The following ZNF121 variants were observed in gnomAD, a reference collection of about 807,000 sequenced individuals.
The protein encoded by ZNF121 is zinc finger protein 121 (clone ZHC32).
Under a neutral mutation model 2.4 loss-of-function variants are expected in ZNF121, and 1 was observed. The observed-to-expected ratio is 0.41, with a 90% CI of 0.15 to 1.94. ZNF121 has a LOEUF of 1.94. ZNF121 is among the 30% of genes most tolerant of loss of function. The pLI, the probability that ZNF121 is intolerant of heterozygous loss-of-function variation, is 0.30. For missense variants in ZNF121, 369 were observed against 466.3 expected (o/e 0.79, Z 1.92); for synonymous variants, 173 against 158.6 (o/e 1.09, Z -0.68).
rs1352592116 is a variant in ZNF121, at chr19:9,560,605, G to C, written c.*5335C>G. On this transcript the variant is annotated 3_prime_UTR_variant, in exon 4 of 4. Coordinates refer to ENST00000320451, the MANE Select transcript of ZNF121 (RefSeq NM_001008727.5). ...TGGGTGTATTTGTCCTTTCGGAACTGGTTTATTTCACTTAGCATAACGTCC... is the reference window on the plus strand; with the variant it reads ...TGGGTGTATTTGTCCTTTCGGAACTCGTTTATTTCACTTAGCATAACGTCC... 1 of 152,130 alleles carries C rather than the reference G, an allele frequency of 6.6e-6. No individual in the cohort carries two copies. The highest frequency in any genetic ancestry group is 1.5e-5 in the Non-Finnish European group (1 of 68,016). 9.4% of individuals were successfully genotyped at this position (152,130 alleles called of 1,614,324 possible).
chr19:9,580,791 TGTAGA>T (rs1442774581), intron 1 of ZNF121, among the ~76,000 whole-genome samples: 1 of 152,208 alleles, frequency 6.6e-6, no homozygotes, highest in East Asian at 1.9e-4. Context: ...CAACAGAAGA[TGTAGA>T]GTAGAGGCCT....
chr19:9,572,476 A>C (rs1376181066), intron 1 of ZNF121, among the ~76,000 whole-genome samples: 2 of 152,186 alleles, frequency 1.3e-5, no homozygotes, highest in African/African-American at 4.8e-5. Flanking sequence ...ATCCAGGGAC[A>C]AAGATGGGAG....
At position 9,561,963 on chromosome 19, in the gene ZNF121, C is replaced by T. The variant is rs553339834; in HGVS notation, c.*3977G>A. On this transcript the variant is annotated 3_prime_UTR_variant, in exon 4 of 4. Coordinates refer to ENST00000320451, the MANE Select transcript of ZNF121 (RefSeq NM_001008727.5). ...ACTACAGCAACAGCTACAGACATAC[C>T]TCATGTTACTTCACTTTGCTTCATC... 1 of 151,874 alleles carries T rather than the reference C, an allele frequency of 6.6e-6. No individual in the cohort carries two copies. The highest frequency in any genetic ancestry group is 1.5e-5 in the Non-Finnish European group (1 of 67,998). The allele number at this position is 151,874 out of a possible 1,614,324, so 9.4% of individuals were successfully genotyped here.
chr19:9,577,130 G>T (rs1407289856), intron 1 of ZNF121, among the ~76,000 whole-genome samples: 1 of 152,176 alleles, frequency 6.6e-6, no homozygotes, highest in Non-Finnish European at 1.5e-5. Flanking sequence ...CAAAAGCAGA[G>T]AAGAGCACAA....
intron 3 of ZNF121, 30 bp from the exon 4 acceptor site, chr19:9,567,139 A>T: frequency 6.5e-7 from 1 of 1,540,708 alleles, no homozygotes. Context: ...TGATGATTAA[A>T]GGATTTTTCA....
At position 9,566,776 on chromosome 19, in the gene ZNF121, C is replaced by G. The variant is rs539222558; in HGVS notation, c.337G>C (p.Glu113Gln). The G allele has an allele frequency of 2.5e-6, 4 of 1,614,192 alleles. No individual in the cohort carries two copies. The Admixed American group carries it at 6.7e-5, about 27-fold the overall frequency. The change falls in exon 4 of 4, where the codon GAA becomes CAA. Residue 113 changes from glutamate (E) to glutamine (Q), a missense_variant. By Grantham distance (29) the Glu-to-Gln change is conservative. Around this residue, in one of 4 missense-constraint regions of ZNF121, gnomAD observed 168 missense variants for 162.3 expected, o/e 1.03. Transcript: ENST00000320451. ...CATTGCTTCTGTTCATAGAGTGTTT[C>G]TCCATTGTGAGTTATCCTATTTGCC... Reference protein sequence around the residue: ...LQANRITHNGETLYEQKQCGR... With the variant: ...LQANRITHNGQTLYEQKQCGR...
upstream of ZNF121, chr19:9,584,504 TGACCA>T (rs2074271593): frequency 6.6e-6 from 1 of 152,376 alleles, no homozygotes; most frequent in South Asian, 2.1e-4. Context: ...GAAATGGCAC[TGACCA>T]TGCGGAGCCA....
intron 1 of ZNF121, among the ~76,000 whole-genome samples, chr19:9,569,321 C>T (rs2074156732): frequency 6.6e-6 from 1 of 152,078 alleles, no homozygotes; most frequent in Admixed American, 6.6e-5. Context: ...TGGCTCATGC[C>T]TGTAATCCCA....
At chr19:9,583,743 G>T (rs1462123381) in intron 1 of ZNF121, among the ~76,000 whole-genome samples, 3 of 152,068 alleles carry the variant, frequency 2.0e-5, no homozygotes, top group Non-Finnish European at 4.4e-5. Context: ...GACCTCAGGT[G>T]ATCTGCCCGC....
chr19:9,564,173 TAAC>T lies in ZNF121; in HGVS notation c.*1764_*1766del, dbSNP rs1568496461. The T allele has an allele frequency of 6.6e-6, 1 of 152,148 alleles. No individual in the cohort carries two copies. The highest frequency in any genetic ancestry group is 2.4e-5 in the African/African-American group (1 of 41,430). The allele number at this position is 152,148 out of a possible 1,614,324, so 9.4% of individuals were successfully genotyped here. Reference sequence around the variant, plus strand: ...AAGGATTCTCCATTCTAGATGCCATTAACAACATTTATGATTCATGGAAGGAGG... The same window carrying T: ...AAGGATTCTCCATTCTAGATGCCATTAACATTTATGATTCATGGAAGGAGG... On this transcript the variant is annotated 3_prime_UTR_variant, in exon 4 of 4. Transcript: ENST00000320451.
At chr19:9,583,566 C>A (rs1323894500) in intron 1 of ZNF121, among the ~76,000 whole-genome samples, 1 of 135,382 alleles carries the variant, frequency 7.4e-6, no homozygotes, top group Non-Finnish European at 1.5e-5. Flanking sequence ...TGCAGTGGCG[C>A]GATCTCGGCT....
In ZNF121 at chr19:9,562,161, A is replaced by ATTTTTTTT. The variant is rs34814047; in HGVS notation, c.*3771_*3778dup. On this transcript the variant is annotated 3_prime_UTR_variant, in exon 4 of 4. Transcript: ENST00000320451. ...ATTATACTTACTGTGGTGCTGTGTG[A>ATTTTTTTT]TTTTTTTTTTTTTTTTTTTTTGAGA... 1 of 108,078 alleles carries ATTTTTTTT rather than the reference A, an allele frequency of 9.3e-6. No homozygotes were observed. The highest frequency in any genetic ancestry group is 3.5e-5 in the African/African-American group (1 of 28,200). The allele number at this position is 108,078 out of a possible 1,614,324, so 6.7% of individuals were successfully genotyped here.
In ZNF121 at chr19:9,566,700, T is replaced by C. The variant is rs773427691; in HGVS notation, c.413A>G (p.His138Arg). Residue 138 changes from histidine to arginine, a missense_variant, in exon 4 of 4, where the codon CAT becomes CGT. Physicochemically the swap from His to Arg is conservative, Grantham distance 29. This residue lies in a region of ZNF121 where 168 missense variants were observed against 162.3 expected (regional missense o/e 1.03). Coordinates refer to ENST00000320451, the MANE Select transcript of ZNF121 (RefSeq NM_001008727.5). ...STSHAVSVKM[H>R]TVEKPYECKE... ...ACATTCGTAGGGTTTTTCTACAGTA[T>C]GCATTTTAACAGACACAGCATGGCT... The C allele has an allele frequency of 7.4e-6, 12 of 1,614,216 alleles. No individual in the cohort carries two copies. Among genetic ancestry groups the C allele is most frequent in the Non-Finnish European group, 1.0e-5 (12 of 1,180,038 alleles).
chr19:9,570,263 T>A (rs2074164659), intron 1 of ZNF121, among the ~76,000 whole-genome samples: 1 of 152,104 alleles, frequency 6.6e-6, no homozygotes, highest in African/African-American at 2.4e-5. Flanking sequence ...TTATTTCTTA[T>A]GTTCTCAGGG....
intron 1 of ZNF121, among the ~76,000 whole-genome samples, chr19:9,575,413 A>ACTCTG (rs1273155956): frequency 1.3e-5 from 2 of 151,676 alleles, no homozygotes; most frequent in Non-Finnish European, 2.9e-5. Flanking sequence ...ACAGAGCAAG[A>ACTCTG]TTTCATTTCA....
At chr19:9,571,866 C>T (rs1276751608) in intron 1 of ZNF121, among the ~76,000 whole-genome samples, 1 of 152,180 alleles carries the variant, frequency 6.6e-6, no homozygotes, top group Non-Finnish European at 1.5e-5. Flanking sequence ...AGCAATCCTC[C>T]TGCCTCAGCC....
In ZNF121 at chr19:9,560,911, T is replaced by C. The variant is rs1395686854; in HGVS notation, c.*5029A>G. 3 of 152,254 alleles carry C rather than the reference T, an allele frequency of 2.0e-5. No homozygotes were observed. The highest frequency in any genetic ancestry group is 2.9e-5 in the Non-Finnish European group (2 of 68,038). The allele number at this position is 152,254 out of a possible 1,614,324, so 9.4% of individuals were successfully genotyped here. ...TACGCCCTGAGCTAAAGATAAGAAC[T>C]GTGAATAAAAACTGAATTCTGGTTA... On this transcript the variant is annotated 3_prime_UTR_variant, in exon 4 of 4. Transcript: ENST00000320451.
At chr19:9,583,983 T>A (rs149776055) in intron 1 of ZNF121, among the ~76,000 whole-genome samples, 1 of 152,138 alleles carries the variant, frequency 6.6e-6, no homozygotes, top group African/African-American at 2.4e-5. Context: ...AAAATAAGAA[T>A]AGGACATCAA....
At position 9,565,262 on chromosome 19, in the gene ZNF121, A is replaced by G. The variant is rs535259504; in HGVS notation, c.*678T>C. 1 of 144,794 alleles carries G rather than the reference A, an allele frequency of 6.9e-6. No homozygotes were observed. The highest frequency in any genetic ancestry group is 2.1e-4 in the East Asian group (1 of 4,720). The allele number at this position is 144,794 out of a possible 1,614,324, so 9.0% of individuals were successfully genotyped here. A position where few individuals can be genotyped will look rare whatever the true frequency, so the allele number is the denominator to read the frequency against. ...ATAATGAGGGCTTTCTGTGTTTTCT[A>G]CATTGTATGGCCCCATGGTGAGTTC... On this transcript the variant is annotated 3_prime_UTR_variant, in exon 4 of 4. Transcript: ENST00000320451.
Sources: gnomAD v4.1 joint callset for allele counts (sites outside exome capture counted in the v4.1 genomes callset) on GRCh38, gnomAD v4.1.1 for gene constraint, gnomAD v4.1.1 regional missense constraint, MANE v1.5 for transcripts, NCBI Gene and HGNC (gene_info 2026-07-23, HGNC 2026-07-21) for gene names.